The following CYP4X1 variants were observed in gnomAD, a reference collection of about 807,000 sequenced individuals.
CYP4X1 encodes cytochrome P450 4X1.
Under a neutral mutation model 57.9 loss-of-function variants are expected in CYP4X1, and 44 were observed. The ratio of observed to expected loss-of-function variants is 0.76; its 90% CI spans 0.60 to 0.98. The LOEUF (loss-of-function observed/expected upper bound fraction) is 0.98. Ranked by LOEUF, CYP4X1 falls within the 50% of genes least tolerant of loss-of-function variation. CYP4X1 has a pLI of 0.00. For synonymous variants in CYP4X1, 227 were observed against 228.6 expected, an observed-to-expected ratio of 0.99 and a Z score of 0.06; for missense variants, 532 against 623.9, an observed-to-expected ratio of 0.85 and a Z score of 1.57.
the CYP4X1 span, among the ~76,000 whole-genome samples, chr1:46,996,697 C>G: frequency 6.6e-6 from 1 of 152,180 alleles, no homozygotes; most frequent in African/African-American, 2.4e-5. Context: ...TCATTTGTTA[C>G]CCAGACACTT....
At chr1:47,004,209 G>T in the CYP4X1 span, among the ~76,000 whole-genome samples, 4 of 152,302 alleles carry the variant, frequency 2.6e-5, no homozygotes, top group Admixed American at 1.3e-4. Context: ...TGTGCTCGGG[G>T]CCGCTCCCAT....
At chr1:46,967,632 C>A in the CYP4X1 span, 1 of 389,216 alleles carries the variant, frequency 2.6e-6, no homozygotes, top group African/African-American at 2.1e-5. Flanking sequence ...AGGCAGGAGA[C>A]AGGAGCAGGG....
At chr1:47,046,359 G>A in intron 8 of CYP4X1, 108 bp from the exon 9 acceptor site, 2 of 1,474,228 alleles carry the variant, frequency 1.4e-6, no homozygotes, top group Non-Finnish European at 9.2e-7. Flanking sequence ...TAAACCAGTG[G>A]CAAAATGGCT....
chr1:46,992,009 A>G, the CYP4X1 span, among the ~76,000 whole-genome samples: 6 of 152,308 alleles, frequency 3.9e-5, no homozygotes, highest in Non-Finnish European at 5.9e-5. Flanking sequence ...GACTGTCATT[A>G]AGAAAACTCA....
rs537409919 is a variant in CYP4X1, at chr1:47,033,224, G to C, written c.365-17G>C. 2.7e-5 allele frequency: 44 copies of C among 1,609,764 alleles called. No individual in the cohort carries two copies. The South Asian group carries it at 4.8e-4, about 17-fold the overall frequency. ...CTAATTAAATGGCATAAGGTTTTCT[G>C]CCTTTTATTTCTCAAGGAAAAGGAC... On this transcript the variant is annotated splice_polypyrimidine_tract_variant and intron_variant, in intron 3 of 11. Coordinates refer to ENST00000371901, the MANE Select transcript of CYP4X1 (RefSeq NM_178033.2).
upstream of CYP4X1, among the ~76,000 whole-genome samples, chr1:47,022,576 A>T (rs575076659): frequency 2.6e-5 from 4 of 152,138 alleles, no homozygotes; most frequent in Admixed American, 2.6e-4. Context: ...GGCGTGAGCC[A>T]CCGCGCCCGG....
chr1:47,053,467 G>A (rs1329769933), downstream of CYP4X1, among the ~76,000 whole-genome samples: 2 of 152,124 alleles, frequency 1.3e-5, no homozygotes, highest in Non-Finnish European at 2.9e-5. Context: ...GGTATTTCTA[G>A]TTCTAGATCC....
the CYP4X1 span, among the ~76,000 whole-genome samples, chr1:46,963,671 C>A: frequency 2.0e-5 from 3 of 152,154 alleles, no homozygotes; most frequent in Non-Finnish European, 4.4e-5. Context: ...TCTGGCTGTC[C>A]TTAACATTTT....
At chr1:47,016,493 C>A in the CYP4X1 span, among the ~76,000 whole-genome samples, 1 of 152,062 alleles carries the variant, frequency 6.6e-6, no homozygotes, top group African/African-American at 2.4e-5. Context: ...AGGGGCCCAC[C>A]ACCACGCCCA....
the CYP4X1 span, among the ~76,000 whole-genome samples, chr1:46,964,284 G>C: frequency 2.6e-5 from 4 of 152,226 alleles, no homozygotes; most frequent in African/African-American, 9.6e-5. Context: ...TTGCTGGTGA[G>C]AAGCTGCGTT....
chr1:47,046,319 C>A, intron 8 of CYP4X1, 148 bp from the exon 9 acceptor site: 1 of 1,032,070 alleles, frequency 9.7e-7, no homozygotes, highest in African/African-American at 1.6e-5. Context: ...CATCCTGAGG[C>A]AGAGAGTCCC....
intron 6 of CYP4X1, among the ~76,000 whole-genome samples, chr1:47,037,009 G>A (rs1033082169): frequency 1.3e-5 from 2 of 152,074 alleles, no homozygotes; most frequent in East Asian, 1.9e-4. Context: ...AGAGAAGCAG[G>A]TTATAAACAA....
chr1:47,002,289 T>C, the CYP4X1 span, among the ~76,000 whole-genome samples: 1 of 152,218 alleles, frequency 6.6e-6, no homozygotes, highest in Non-Finnish European at 1.5e-5. Flanking sequence ...AACACTTTTA[T>C]ATTTGAATGA....
chr1:47,045,761 C>A, intron 8 of CYP4X1, among the ~76,000 whole-genome samples: 1 of 152,306 alleles, frequency 6.6e-6, no homozygotes, highest in South Asian at 2.1e-4. Context: ...AGGAAACTCC[C>A]TTTCTTGGAG....
At chr1:46,992,268 A>G in the CYP4X1 span, among the ~76,000 whole-genome samples, 1 of 152,388 alleles carries the variant, frequency 6.6e-6, no homozygotes, top group East Asian at 1.9e-4. Context: ...GAATATAAAA[A>G]TAGACACTTT....
At chr1:46,980,346 G>C in the CYP4X1 span, among the ~76,000 whole-genome samples, 1 of 152,144 alleles carries the variant, frequency 6.6e-6, no homozygotes, top group South Asian at 2.1e-4. Context: ...GACAAACAGA[G>C]AGGCAAATCA....
Position 47,030,045 on chromosome 1 carries a change from G to C in CYP4X1, c.233G>C (p.Arg78Pro), listed in dbSNP as rs182887712. Residue 78 changes from arginine (R) to proline (P), a missense_variant, in exon 2 of 12, where the codon CGT becomes CCT. Arg to Pro is a moderately radical substitution (Grantham distance 103). Coordinates refer to ENST00000371901, the MANE Select transcript of CYP4X1 (RefSeq NM_178033.2). ...KLEEIIEKYPRAFPFWIGPFQ... is the reference protein window; with the variant it reads ...KLEEIIEKYPPAFPFWIGPFQ... ...GAGGAAATTATTGAAAAATACCCTCGTGCCTTCCCTTTCTGGATTGGGCCC... is the reference window on the plus strand; with the variant it reads ...GAGGAAATTATTGAAAAATACCCTCCTGCCTTCCCTTTCTGGATTGGGCCC... 2 of 1,614,018 alleles carry C rather than the reference G, an allele frequency of 1.2e-6. No homozygotes were observed. Among genetic ancestry groups the C allele is most frequent in the South Asian group, 1.1e-5 (1 of 91,068 alleles).
In CYP4X1 at chr1:47,023,824, T is replaced by C; in HGVS notation, c.7T>C (p.Phe3Leu). The C allele has an allele frequency of 6.2e-7, 1 of 1,612,854 alleles. No individual in the cohort carries two copies. The highest frequency in any genetic ancestry group is 8.5e-7 in the Non-Finnish European group (1 of 1,179,854). Residue 3 changes from phenylalanine to leucine, a missense_variant, in exon 1 of 12, where the codon TTC becomes CTC. Coordinates refer to ENST00000371901, the MANE Select transcript of CYP4X1 (RefSeq NM_178033.2). ...TTCGGCGCTGCGCAGAGCCATGGAA[T>C]TCTCCTGGCTGGAGACGCGCTGGGC... ME[F>L]SWLETRWARP...
chr1:47,024,534 C>G (rs1253562081), intron 1 of CYP4X1, among the ~76,000 whole-genome samples: 2 of 151,954 alleles, frequency 1.3e-5, no homozygotes, highest in Admixed American at 1.3e-4. Context: ...TTGGTCTCTC[C>G]CGTTTTTTAA....
Sources: allele counts gnomAD v4.1 joint callset (sites outside exome capture counted in the v4.1 genomes callset), GRCh38; gene constraint gnomAD v4.1.1; transcripts MANE v1.5; gene names NCBI Gene and HGNC (gene_info 2026-07-23, HGNC 2026-07-21).